The following ZNF536 variants were observed in gnomAD, a reference collection of about 807,000 sequenced individuals.
The protein encoded by ZNF536 is zinc finger protein 536.
In ZNF536, 13 loss-of-function variants were observed where a neutral mutation model predicts 84.5. The ratio of observed to expected loss-of-function variants is 0.15; its 90% CI spans 0.10 to 0.24. The LOEUF is 0.24. Among genes scored for constraint, ZNF536 ranks in the 10% least tolerant of loss-of-function variants. The pLI, the probability that ZNF536 is intolerant of heterozygous loss-of-function variation, is 1.00. For synonymous variants in ZNF536, 811 were observed against 742.5 expected, an observed-to-expected ratio of 1.09 and a Z score of -1.50; for missense variants, 1,536 against 1,747.5, an observed-to-expected ratio of 0.88 and a Z score of 2.16.
chr19:30,284,302 GCGGGGTGAA>G (rs1219787691), intron 2 of ZNF536, among the ~76,000 whole-genome samples: 1 of 152,212 alleles, frequency 6.6e-6, no homozygotes, highest in African/African-American at 2.4e-5. Flanking sequence ...TATCTTGTGG[GCGGGGTGAA>G]CTACAATGTG....
At chr19:30,357,879 G>A (rs900203113) in intron 3 of ZNF536, among the ~76,000 whole-genome samples, 1 of 152,122 alleles carries the variant, frequency 6.6e-6, no homozygotes, top group African/African-American at 2.4e-5. Flanking sequence ...CCCAACTATT[G>A]CTCACCTCTT....
chr19:30,480,969 C>T (rs2144844108), intron 2 of ZNF536, among the ~76,000 whole-genome samples: 1 of 149,290 alleles, frequency 6.7e-6, no homozygotes, highest in East Asian at 2.0e-4. Context: ...GCGGAGGCTG[C>T]AGTGAGCCGA....
intron 1 of ZNF536, among the ~76,000 whole-genome samples, chr19:30,669,412 G>T (rs892143435): frequency 7.9e-5 from 12 of 152,204 alleles, no homozygotes; most frequent in Non-Finnish European, 1.8e-4. Flanking sequence ...TTTAGGCGGT[G>T]CCTGGCCGTG....
chr19:30,314,987 C>T (rs2046633199), intron 2 of ZNF536, among the ~76,000 whole-genome samples: 1 of 152,174 alleles, frequency 6.6e-6, no homozygotes, highest in African/African-American at 2.4e-5. Flanking sequence ...CTTTGTGGCC[C>T]ACCGGGTCCT....
chr19:30,699,535 A>C (rs2051805914), intron 1 of ZNF536, among the ~76,000 whole-genome samples: 1 of 152,228 alleles, frequency 6.6e-6, no homozygotes, highest in Admixed American at 6.5e-5. Context: ...GAGATGGATG[A>C]ATATTTTTTT....
At chr19:30,225,687 T>TTG (rs535519220), upstream of ZNF536, among the ~76,000 whole-genome samples, 14 of 84,154 alleles carry the variant, frequency 1.7e-4, 1 homozygote, top group Admixed American at 2.0e-3. Context: ...AAAACAAAGG[T>TTG]GGGGGGGGGA....
intron 2 of ZNF536, among the ~76,000 whole-genome samples, chr19:30,340,063 T>G (rs1403685231): frequency 6.6e-6 from 1 of 152,108 alleles, no homozygotes; most frequent in Non-Finnish European, 1.5e-5. Context: ...CTGCACCCCC[T>G]CTTCCCGCCC....
At chr19:30,584,606 T>C (rs187889947) in intron 1 of ZNF536, among the ~76,000 whole-genome samples, 1 of 152,318 alleles carries the variant, frequency 6.6e-6, no homozygotes, top group Non-Finnish European at 1.5e-5. Flanking sequence ...TGCCAATCCA[T>C]GTCCAGCCTT....
intron 2 of ZNF536, among the ~76,000 whole-genome samples, chr19:30,467,523 G>A (rs2053464602): frequency 6.6e-6 from 1 of 152,086 alleles, no homozygotes; most frequent in Non-Finnish European, 1.5e-5. Context: ...ATCTGCTGAT[G>A]GTGTGTCCTT....
intron 2 of ZNF536, among the ~76,000 whole-genome samples, chr19:30,511,997 AG>A (rs749343505): frequency 4.6e-5 from 7 of 152,226 alleles, no homozygotes; most frequent in Non-Finnish European, 8.8e-5. Flanking sequence ...ATTTACATTA[AG>A]TATAATTCGA....
intron 2 of ZNF536, among the ~76,000 whole-genome samples, chr19:30,455,385 G>T (rs559442473): frequency 1.2e-3 from 186 of 152,216 alleles, no homozygotes; most frequent in Non-Finnish European, 2.2e-3. Flanking sequence ...TCGAATCAGG[G>T]TAATTGGGAC....
intron 1 of ZNF536, among the ~76,000 whole-genome samples, chr19:30,231,131 C>G (rs2023005948): frequency 1.3e-5 from 2 of 152,142 alleles, no homozygotes; most frequent in South Asian, 2.1e-4. Flanking sequence ...GCATTTTGTT[C>G]TCAACATTAT....
intron 2 of ZNF536, among the ~76,000 whole-genome samples, chr19:30,526,002 C>G (rs1221281275): frequency 6.6e-6 from 1 of 152,198 alleles, no homozygotes; most frequent in African/African-American, 2.4e-5. Flanking sequence ...ATGGCAGCGG[C>G]CTGGGCTGAA....
chr19:30,422,641 A>G (rs1027527376), intron 1 of ZNF536, among the ~76,000 whole-genome samples: 4 of 152,114 alleles, frequency 2.6e-5, no homozygotes, highest in African/African-American at 9.7e-5. Context: ...AGCACATAGA[A>G]GGCATCATTT....
chr19:30,672,085 CT>C (rs1400841194), intron 1 of ZNF536, among the ~76,000 whole-genome samples: 1 of 152,248 alleles, frequency 6.6e-6, no homozygotes, highest in Non-Finnish European at 1.5e-5. Context: ...CTCAACGTTT[CT>C]TTTTCCTTGC....
At chr19:30,434,355 T>C (rs1049953000) in intron 1 of ZNF536, among the ~76,000 whole-genome samples, 12 of 152,354 alleles carry the variant, frequency 7.9e-5, no homozygotes, top group African/African-American at 2.9e-4. Context: ...TTTCACTGCC[T>C]GGCCTGTGTC....
intron 1 of ZNF536, among the ~76,000 whole-genome samples, chr19:30,380,091 G>C (rs779643975): frequency 6.6e-6 from 1 of 152,196 alleles, no homozygotes; most frequent in Non-Finnish European, 1.5e-5. Flanking sequence ...AGCAGCTCCA[G>C]CAGGGAGCTG....
intron 2 of ZNF536, among the ~76,000 whole-genome samples, chr19:30,302,810 G>T (rs1175525284): frequency 6.6e-6 from 1 of 152,008 alleles, no homozygotes; most frequent in East Asian, 2.0e-4. Flanking sequence ...CAAGCAGAGA[G>T]CAATCAGTAT....
chr19:30,297,017 G>C (rs1225773568), intron 2 of ZNF536, among the ~76,000 whole-genome samples: 1 of 152,176 alleles, frequency 6.6e-6, no homozygotes, highest in Non-Finnish European at 1.5e-5. Context: ...GATGCTCCAC[G>C]ATCAGGCACG....
Sources: allele counts gnomAD v4.1 joint callset (sites outside exome capture counted in the v4.1 genomes callset), GRCh38; gene constraint gnomAD v4.1.1; transcripts MANE v1.5; gene names NCBI Gene and HGNC (gene_info 2026-07-23, HGNC 2026-07-21).